HEXA: variants seen among roughly 807,000 people sequenced by gnomAD.
The protein encoded by HEXA is hexosaminidase subunit alpha, also known as beta-hexosaminidase subunit alpha.
A neutral mutation model predicts 73.3 loss-of-function variants in HEXA; 54 were observed. The ratio of observed to expected loss-of-function variants is 0.74; its 90% CI spans 0.59 to 0.92. HEXA has a LOEUF of 0.92. HEXA is among the 40% of genes least tolerant of loss of function. The pLI is 0.00. For missense variants in HEXA, 649 were observed against 653.0 expected, an observed-to-expected ratio of 0.99 and a Z score of 0.07; for synonymous variants, 230 against 246.9, an observed-to-expected ratio of 0.93 and a Z score of 0.64.
chr15:72,346,109 C>T (rs565053038), intron 12 of HEXA, 126 bp downstream of exon 12: 115 of 718,764 alleles, frequency 1.6e-4, no homozygotes, highest in Non-Finnish European at 2.4e-4. Context: ...GCTCGTTGCA[C>T]GGCCTGCTCT....
chr15:72,345,749 G>A (rs1216334795), intron 12 of HEXA, 199 bp from the exon 13 acceptor site: 4 of 721,486 alleles, frequency 5.5e-6, no homozygotes, highest in East Asian at 2.7e-5. Context: ...TCATTAAAAT[G>A]TGGGTAGCAA....
chr15:72,361,359 T>A (rs1217024028), intron 1 of HEXA, among the ~76,000 whole-genome samples: 1 of 152,194 alleles, frequency 6.6e-6, no homozygotes, highest in Non-Finnish European at 1.5e-5. Flanking sequence ...CCAATCCCAA[T>A]GTACTAATGT....
At chr15:72,363,089 T>G (rs2088872027) in intron 1 of HEXA, among the ~76,000 whole-genome samples, 2 of 152,254 alleles carry the variant, frequency 1.3e-5, no homozygotes, top group South Asian at 4.1e-4. Context: ...CCTCCCACCT[T>G]TATACACATC....
rs1344884967 is a variant in HEXA, at chr15:72,375,893, G to A, written c.80C>T (p.Pro27Leu). 7 of 1,614,252 alleles carry A rather than the reference G, an allele frequency of 4.3e-6. No homozygotes were observed. The highest frequency in any genetic ancestry group is 1.7e-5 in the Admixed American group (1 of 60,036). ...CTGGTCGGAGGTTTGGAAGTTCTGAGGCCAGGGCCAGAGGGCCGTCGCCCG... is the reference window on the plus strand; with the variant it reads ...CTGGTCGGAGGTTTGGAAGTTCTGAAGCCAGGGCCAGAGGGCCGTCGCCCG... ...AGRATALWPW[P>L]QNFQTSDQRY... The change falls in exon 1 of 14, where the codon CCT becomes CTT. Residue 27 changes from proline (P) to leucine (L), a missense_variant. By Grantham distance (98) the Pro-to-Leu change is moderately conservative. Transcript: ENST00000268097.
intron 1 of HEXA, 82 bp from the exon 2 acceptor site, chr15:72,356,699 C>G: frequency 6.3e-7 from 1 of 1,591,972 alleles, no homozygotes; most frequent in Non-Finnish European, 8.5e-7. Context: ...TCTAGTCCCT[C>G]AGCTCACACG....
chr15:72,358,004 A>G (rs921443154), intron 1 of HEXA: 2 of 152,166 alleles, frequency 1.3e-5, no homozygotes, highest in African/African-American at 4.8e-5. Flanking sequence ...CTAAAACTAC[A>G]TTGTTACAAC....
chr15:72,362,446 C>T (rs966785759), intron 1 of HEXA: 1 of 455,958 alleles, frequency 2.2e-6, no homozygotes, highest in Non-Finnish European at 4.4e-6. Context: ...TGACACACAG[C>T]AGTCATTCAG....
At chr15:72,356,421 G>A in intron 2 of HEXA, 104 bp downstream of exon 2, 1 of 1,257,830 alleles carries the variant, frequency 8.0e-7, no homozygotes, top group African/African-American at 1.5e-5. Context: ...CCAGGGTCAA[G>A]GGGGACTCCA....
At chr15:72,375,073 T>C (rs1357446598) in intron 1 of HEXA, among the ~76,000 whole-genome samples, 1 of 144,266 alleles carries the variant, frequency 6.9e-6, no homozygotes, top group Non-Finnish European at 1.5e-5. Context: ...TTTTGTTTTG[T>C]TTTGTTTTGT....
At chr15:72,362,418 C>A (rs1370849922) in intron 1 of HEXA, 1 of 455,668 alleles carries the variant, frequency 2.2e-6, no homozygotes, top group African/African-American at 2.0e-5. Context: ...ATCTCAGTGT[C>A]TTTGTATTCC....
At chr15:72,345,609 C>T in intron 12 of HEXA, 59 bp from the exon 13 acceptor site, 2 of 1,602,258 alleles carry the variant, frequency 1.2e-6, no homozygotes, top group Admixed American at 1.7e-5. Flanking sequence ...AGGTGCTGGA[C>T]ATCCACAGGC....
intron 1 of HEXA, among the ~76,000 whole-genome samples, chr15:72,373,268 T>C (rs568987334): frequency 2.0e-5 from 3 of 152,374 alleles, no homozygotes; most frequent in East Asian, 1.9e-4. Context: ...ATCAGACTCA[T>C]AAAGAAATGT....
chr15:72,366,739 C>G (rs536844261), intron 1 of HEXA, among the ~76,000 whole-genome samples: 1 of 152,136 alleles, frequency 6.6e-6, no homozygotes, highest in Non-Finnish European at 1.5e-5. Flanking sequence ...AGTCATCCAA[C>G]AACATCCTCC....
intron 13 of HEXA, among the ~76,000 whole-genome samples, chr15:72,344,902 C>T (rs1595795907): frequency 6.6e-6 from 1 of 152,220 alleles, no homozygotes; most frequent in African/African-American, 2.4e-5. Context: ...GGTTCAAATC[C>T]TGCTTCTTAG....
Position 72,363,432 on chromosome 15 carries a change from C to T in HEXA, c.254-6815G>A, listed in dbSNP as rs533418673. 5.9e-5 allele frequency among the ~76,000 whole-genome samples: 9 copies of T among 152,290 alleles called. No individual in the cohort carries two copies. The South Asian group carries it at 1.9e-3, about 32-fold the overall frequency. ...TCTTGAACCCTGAATTGGTGTTCAC[C>T]AAGCTACCAAGAGGAGAAAAGGTAT... On this transcript the variant is annotated intron_variant, in intron 1 of 13. Transcript: ENST00000268097.
At chr15:72,346,763 G>A (rs1443144212) in intron 10 of HEXA, 53 bp from the exon 11 acceptor site, 2 of 1,556,932 alleles carry the variant, frequency 1.3e-6, no homozygotes, top group Non-Finnish European at 1.8e-6. Context: ...GAGATTCCTG[G>A]GCCTTATTCA....
intron 7 of HEXA, 47 bp from the exon 8 acceptor site, chr15:72,349,306 C>T: frequency 6.9e-7 from 1 of 1,440,742 alleles, no homozygotes; most frequent in Non-Finnish European, 9.8e-7. Flanking sequence ...TACATAAACC[C>T]CCACGCACAG....
At chr15:72,375,565 T>C (rs910410071) in intron 1 of HEXA, among the ~76,000 whole-genome samples, 155 bp downstream of exon 1, 1 of 152,172 alleles carries the variant, frequency 6.6e-6, no homozygotes, top group Non-Finnish European at 1.5e-5. Context: ...TAGTTATCTT[T>C]GGATGAAAAC....
chr15:72,364,712 C>G (rs1484507162), intron 1 of HEXA, among the ~76,000 whole-genome samples: 1 of 152,014 alleles, frequency 6.6e-6, no homozygotes, highest in Admixed American at 6.6e-5. Flanking sequence ...CCACATCTTT[C>G]CAACACTAGA....
Sources: gnomAD v4.1 joint callset for allele counts (sites outside exome capture counted in the v4.1 genomes callset) on GRCh38, gnomAD v4.1.1 for gene constraint, MANE v1.5 for transcripts, NCBI Gene and HGNC (gene_info 2026-07-23, HGNC 2026-07-21) for gene names.